SLC35H1: variants seen among roughly 807,000 people sequenced by gnomAD.
SLC35H1 encodes ovarian cancer-overexpressed gene 1 protein.
the SLC35H1 span, chr20:46,358,396 C>T: frequency 1.9e-6 from 3 of 1,614,034 alleles, no homozygotes; most frequent in African/African-American, 4.0e-5. Context: ...CCTTTGTCAG[C>T]CACTTGTTGT....
chr20:46,364,264 C>A, the SLC35H1 span: 2 of 152,218 alleles, frequency 1.3e-5, no homozygotes, highest in East Asian at 3.9e-4. Context: ...GTGGCGTGCC[C>A]CATGTCAACC....
the SLC35H1 span, chr20:46,358,459 C>T: frequency 2.7e-4 from 438 of 1,614,216 alleles, no homozygotes; most frequent in African/African-American, 4.1e-3. Flanking sequence ...GCCCCAGGGT[C>T]AACACCGCCT....
the SLC35H1 span, among the ~76,000 whole-genome samples, chr20:46,359,173 G>A: frequency 1.3e-5 from 2 of 152,208 alleles, no homozygotes. Context: ...CCCGTTGTCT[G>A]AAGGAAATGA....
At chr20:46,356,759 CCCT>C in the SLC35H1 span, 1 of 848,818 alleles carries the variant, frequency 1.2e-6, no homozygotes. Flanking sequence ...TCCTGTGGGG[CCCT>C]TGGGCCTTCT....
chr20:46,356,492 G>A, the SLC35H1 span: 8 of 1,397,328 alleles, frequency 5.7e-6, no homozygotes, highest in Non-Finnish European at 8.0e-6. Context: ...GGCTGGCCTA[G>A]CAGCCGGGTG....
At chr20:46,361,305 A>C in the SLC35H1 span, among the ~76,000 whole-genome samples, 6 of 152,170 alleles carry the variant, frequency 3.9e-5, no homozygotes, top group Non-Finnish European at 7.3e-5. Context: ...CTTAGCCCAC[A>C]TTCAATCAAT....
chr20:46,359,254 G>C, the SLC35H1 span, among the ~76,000 whole-genome samples: 5 of 152,196 alleles, frequency 3.3e-5, no homozygotes, highest in African/African-American at 1.2e-4. Context: ...CACTTCTTCA[G>C]GGAACCCCAC....
chr20:46,347,624 T>C, the SLC35H1 span: 1 of 152,250 alleles, frequency 6.6e-6, no homozygotes, highest in Non-Finnish European at 1.5e-5. Flanking sequence ...AGAATTCTCT[T>C]GGTGCCATGT....
chr20:46,354,567 T>C, the SLC35H1 span, among the ~76,000 whole-genome samples: 7 of 152,286 alleles, frequency 4.6e-5, no homozygotes, highest in Middle Eastern at 3.4e-3. Context: ...TTGTTCTACC[T>C]GCAAAATGGG....
At chr20:46,355,222 A>G in the SLC35H1 span, 2 of 1,613,848 alleles carry the variant, frequency 1.2e-6, no homozygotes, top group Non-Finnish European at 1.7e-6. This position sits in a 1 kb window ranked among gnomAD's most constrained non-coding sequence, Gnocchi z 4.8. Flanking sequence ...GAGGAGGACC[A>G]CCAGGACCAG....
At chr20:46,355,374 TC>T in the SLC35H1 span, 1 of 984,156 alleles carries the variant, frequency 1.0e-6, no homozygotes, top group Non-Finnish European at 1.5e-6. The surrounding 1 kb of genome is among the most constrained non-coding windows in gnomAD (Gnocchi z 4.8). Context: ...TTCAGCTCCA[TC>T]CCAGGGGGTC....
chr20:46,352,478 T>A, the SLC35H1 span: 1 of 479,082 alleles, frequency 2.1e-6, no homozygotes, highest in Non-Finnish European at 3.8e-6. Flanking sequence ...CCTAGCAGGA[T>A]GATGCGGATC....
the SLC35H1 span, among the ~76,000 whole-genome samples, chr20:46,359,115 C>A: frequency 6.6e-6 from 1 of 152,260 alleles, no homozygotes; most frequent in Admixed American, 6.5e-5. Flanking sequence ...TCTCCAGGAC[C>A]TGGCCCCACT....
At chr20:46,358,444 C>T in the SLC35H1 span, 1 of 1,614,226 alleles carries the variant, frequency 6.2e-7, no homozygotes, top group South Asian at 1.1e-5. Context: ...AGTAGAGAAG[C>T]ACCAGCCCCA....
chr20:46,358,815 C>A, the SLC35H1 span: 2 of 1,177,976 alleles, frequency 1.7e-6, no homozygotes, highest in Admixed American at 4.0e-5. Flanking sequence ...CTGTGCTTCT[C>A]GTAGCCATGG....
At chr20:46,354,839 T>C in the SLC35H1 span, 10 of 1,509,302 alleles carry the variant, frequency 6.6e-6, no homozygotes, top group Non-Finnish European at 8.1e-6. Flanking sequence ...GGATCTGTGG[T>C]CTGCTGCACT....
At chr20:46,350,431 T>C in the SLC35H1 span, 1 of 1,613,642 alleles carries the variant, frequency 6.2e-7, no homozygotes, top group Non-Finnish European at 8.5e-7. Context: ...CTCCTCCTCC[T>C]CATTGTCACC....
chr20:46,353,347 G>A, the SLC35H1 span: 1 of 152,226 alleles, frequency 6.6e-6, no homozygotes, highest in Non-Finnish European at 1.5e-5. Flanking sequence ...ACTTTCGGAG[G>A]AGTCATGGTC....
chr20:46,358,837 G>A, the SLC35H1 span: 1 of 985,360 alleles, frequency 1.0e-6, no homozygotes, highest in African/African-American at 1.6e-5. Flanking sequence ...TGCCTCTGAA[G>A]GCTGCGTGAC....
Sources: gnomAD v4.1 joint callset for allele counts (sites outside exome capture counted in the v4.1 genomes callset) on GRCh38, gnomAD v4.1.1 for gene constraint, Gnocchi (gnomAD v3.1) non-coding constraint, MANE v1.5 for transcripts, NCBI Gene and HGNC (gene_info 2026-07-23, HGNC 2026-07-21) for gene names.